DMD: variants seen among roughly 807,000 people sequenced by gnomAD.
DMD encodes mutant dystrophin.
Under a neutral mutation model 330.1 loss-of-function variants are expected in DMD, and 63 were observed. That is an observed-to-expected ratio of 0.19 (90% CI 0.16 to 0.24). The LOEUF (loss-of-function observed/expected upper bound fraction) is 0.24, where lower values mean the gene tolerates loss of function less well. Among genes scored for constraint, DMD ranks in the 10% least tolerant of loss-of-function variants. The pLI is 1.00. For missense variants in DMD, 3,344 were observed against 2,684.1 expected (o/e 1.25, Z -5.43); for synonymous variants, 1,223 against 959.8 (o/e 1.27, Z -5.07).
chrX:32,178,935 C>T lies in DMD; in HGVS notation c.6438+37981G>A, dbSNP rs1044368064. On this transcript the variant is annotated intron_variant, in intron 44 of 78. Transcript: ENST00000357033. ...TATTCTTAGCCCTTCCATAGAAACC[C>T]CAGATTCTCTCTCTCTCTCTCTCTC... Among the ~76,000 whole-genome samples, 52 of 78,710 alleles carry T rather than the reference C, an allele frequency of 6.6e-4. 1 individual carries two copies. Among genetic ancestry groups the T allele is most frequent in the Middle Eastern group, 6.1e-3 (1 of 163 alleles). 68.4% of individuals were successfully genotyped at this position (78,710 alleles called of 115,157 possible).
At chrX:32,652,158 T>C in intron 9 of DMD, among the ~76,000 whole-genome samples, 1 of 111,432 alleles carries the variant, frequency 9.0e-6, no homozygotes, top group African/African-American at 3.3e-5. Flanking sequence ...TTTTATACTT[T>C]AAATACTAGG....
intron 62 of DMD, among the ~76,000 whole-genome samples, chrX:31,276,661 A>AT (rs1338826531): frequency 8.9e-6 from 1 of 111,783 alleles, no homozygotes; most frequent in East Asian, 2.8e-4. Flanking sequence ...TTATAACATC[A>AT]TTTTTTTCTA....
intron 7 of DMD, among the ~76,000 whole-genome samples, chrX:32,766,872 C>CA (rs2073057728): frequency 9.0e-6 from 1 of 110,907 alleles, no homozygotes. Flanking sequence ...CTTTGTATGC[C>CA]ATATATTTAT....
chrX:32,638,116 C>T (rs751929134), intron 11 of DMD, among the ~76,000 whole-genome samples: 6 of 111,809 alleles, frequency 5.4e-5, no homozygotes, highest in South Asian at 7.5e-4. Flanking sequence ...CCGAATGTCA[C>T]GTTATCATCT....
intron 60 of DMD, among the ~76,000 whole-genome samples, chrX:31,365,359 A>G (rs2059176385): frequency 9.0e-6 from 1 of 111,559 alleles, no homozygotes; most frequent in Non-Finnish European, 1.9e-5. Flanking sequence ...CCATTTCAGC[A>G]CTCCTTTTAA....
At chrX:31,860,842 G>A (rs2093686362) in intron 48 of DMD, among the ~76,000 whole-genome samples, 1 of 112,071 alleles carries the variant, frequency 8.9e-6, no homozygotes, top group Non-Finnish European at 1.9e-5. Context: ...GAAAATGAAA[G>A]CAAATATTTA....
intron 7 of DMD, among the ~76,000 whole-genome samples, chrX:32,720,588 T>C (rs2066193266): frequency 9.0e-6 from 1 of 111,563 alleles, no homozygotes; most frequent in South Asian, 3.7e-4. Flanking sequence ...AAATCATTGT[T>C]ACAACTGTCA....
At chrX:33,143,308 T>C (rs1227737262) in intron 1 of DMD, among the ~76,000 whole-genome samples, 1 of 111,236 alleles carries the variant, frequency 9.0e-6, no homozygotes, top group Non-Finnish European at 1.9e-5. Flanking sequence ...TTATCAATAT[T>C]GGTTATCTCA....
At chrX:33,200,573 C>T (rs1478088362) in intron 1 of DMD, among the ~76,000 whole-genome samples, 1 of 111,160 alleles carries the variant, frequency 9.0e-6, no homozygotes, top group Non-Finnish European at 1.9e-5. Context: ...ATCTCATACA[C>T]TAGAAAAATG....
chrX:32,077,923 C>T (rs1392770208), intron 44 of DMD, among the ~76,000 whole-genome samples: 4 of 110,966 alleles, frequency 3.6e-5, no homozygotes, highest in African/African-American at 1.3e-4. Flanking sequence ...TCTTGGTATT[C>T]TATATTGGAT....
chrX:31,932,015 A>C (rs747043471), intron 46 of DMD, 65 bp downstream of exon 46: 1 of 1,142,763 alleles, frequency 8.8e-7, no homozygotes, highest in East Asian at 3.0e-5. Flanking sequence ...TGATTGAATT[A>C]AAAAATAGAT....
At chrX:33,226,591 T>C (rs1325508192) in intron 1 of DMD, among the ~76,000 whole-genome samples, 1 of 111,236 alleles carries the variant, frequency 9.0e-6, no homozygotes, top group Non-Finnish European at 1.9e-5. Context: ...AAAAAGTGGG[T>C]CTGACCATGA....
chrX:33,301,043 C>T (rs780530548), intron 1 of DMD, among the ~76,000 whole-genome samples: 3 of 111,643 alleles, frequency 2.7e-5, no homozygotes, highest in African/African-American at 9.7e-5. Flanking sequence ...TCCATGCACT[C>T]GCTGTCCTTC....
At chrX:32,098,914 A>C (rs1006308118) in intron 44 of DMD, among the ~76,000 whole-genome samples, 1 of 111,983 alleles carries the variant, frequency 8.9e-6, no homozygotes, top group African/African-American at 3.2e-5. Flanking sequence ...TATTAATTTT[A>C]ATCATTGCTA....
chrX:31,841,481 T>C (rs1456864006), intron 48 of DMD, among the ~76,000 whole-genome samples: 1 of 112,318 alleles, frequency 8.9e-6, no homozygotes, highest in Non-Finnish European at 1.9e-5. Flanking sequence ...ATTTTCAGTG[T>C]AGATGAAGCA....
intron 70 of DMD, chrX:31,178,432 GTTT>G (rs11333372): frequency 2.5e-4 from 203 of 797,520 alleles, no homozygotes; most frequent in Admixed American, 1.2e-3. Context: ...TTGTGTTGTG[GTTT>G]TTTTTTTTTT....
At chrX:32,542,882 G>C (rs1031668237) in intron 17 of DMD, among the ~76,000 whole-genome samples, 1 of 111,905 alleles carries the variant, frequency 8.9e-6, no homozygotes, top group Non-Finnish European at 1.9e-5. Flanking sequence ...GAGAGTGAAA[G>C]TTGATGCTAT....
chrX:32,067,077 A>G (rs1019574366), intron 44 of DMD, among the ~76,000 whole-genome samples: 2 of 111,848 alleles, frequency 1.8e-5, no homozygotes, highest in Non-Finnish European at 3.8e-5. Context: ...TGCTCTTCTC[A>G]CTTAAAACAT....
intron 9 of DMD, among the ~76,000 whole-genome samples, chrX:32,689,756 T>A: frequency 9.0e-6 from 1 of 111,106 alleles, no homozygotes; most frequent in South Asian, 3.8e-4. Context: ...GAAAATCAAT[T>A]AGTATGATAC....
Sources: gnomAD v4.1 joint callset for allele counts (sites outside exome capture counted in the v4.1 genomes callset) on GRCh38, gnomAD v4.1.1 for gene constraint, MANE v1.5 for transcripts, NCBI Gene and HGNC (gene_info 2026-07-23, HGNC 2026-07-21) for gene names.